The following SOX6 variants were observed in gnomAD, a reference collection of about 807,000 sequenced individuals.
SOX6 encodes the protein SRY-box transcription factor 6.
SOX6 carries 11 observed loss-of-function variants against 97.8 expected under a neutral mutation model. The ratio of observed to expected loss-of-function variants is 0.11; its 90% confidence interval spans 0.07 to 0.19. The LOEUF (loss-of-function observed/expected upper bound fraction) is 0.19. Ranked by LOEUF, SOX6 falls within the 10% of genes least tolerant of loss-of-function variation. The probability of loss-of-function intolerance (pLI) is 1.00; values close to 1 mark genes in which losing one functional copy is unlikely to be tolerated. For missense variants in SOX6, 810 were observed against 1,039.5 expected (o/e 0.78, Z 3.04); for synonymous variants, 360 against 371.4 (o/e 0.97, Z 0.35).
chr11:16,031,749 G>A (rs1453693686), intron 12 of SOX6, among the ~76,000 whole-genome samples: 1 of 152,042 alleles, frequency 6.6e-6, no homozygotes, highest in African/African-American at 2.4e-5. Context: ...GGAACAAGGG[G>A]AACAGGAAAG....
chr11:16,378,833 T>A (rs71484713), intron 1 of SOX6, among the ~76,000 whole-genome samples: 2 of 152,072 alleles, frequency 1.3e-5, no homozygotes, highest in African/African-American at 2.4e-5. Context: ...AAATCATATA[T>A]GACAAAGGGT....
chr11:16,311,968 T>C (rs1458078553), intron 3 of SOX6: 1 of 152,180 alleles, frequency 6.6e-6, no homozygotes, highest in East Asian at 1.9e-4. Context: ...ACATGCTCAT[T>C]CTTGTGCTGG....
intron 4 of SOX6, among the ~76,000 whole-genome samples, chr11:16,580,992 T>C (rs1048937264): frequency 6.6e-6 from 1 of 152,202 alleles, no homozygotes; most frequent in African/African-American, 2.4e-5. Flanking sequence ...TTTTACACTC[T>C]TGGTGGGAAT....
intron 3 of SOX6, among the ~76,000 whole-genome samples, chr11:16,631,421 C>A (rs914005051): frequency 3.3e-5 from 5 of 152,216 alleles, no homozygotes; most frequent in African/African-American, 1.2e-4. Context: ...CCCCCAACTT[C>A]TTCTGGCTTG....
chr11:16,012,813 C>G (rs146934239), intron 13 of SOX6, among the ~76,000 whole-genome samples: 196 of 152,006 alleles, frequency 1.3e-3, no homozygotes, highest in African/African-American at 4.4e-3. Context: ...ACCTTCTTCA[C>G]AATGTGTATA....
At chr11:16,363,618 T>A (rs1185255695) in intron 1 of SOX6, among the ~76,000 whole-genome samples, 1 of 152,086 alleles carries the variant, frequency 6.6e-6, no homozygotes, top group Non-Finnish European at 1.5e-5. Context: ...TAGGAACACC[T>A]TATAATTTTG....
chr11:16,147,685 T>C lies in SOX6; in HGVS notation c.778-35762A>G, dbSNP rs138454398. 1.5e-3 allele frequency among the ~76,000 whole-genome samples: 227 copies of C among 152,204 alleles called. 5 individuals carry two copies. Among genetic ancestry groups the C allele is most frequent in the East Asian group, 0.013 (66 of 5,160 alleles). The stretch of plus-strand genomic sequence containing the variant: ...ATGCAAACTTAAATGAACACCGAAA[T>C]TTCCTTTTTATTGTACTTCTCACAT... On this transcript the variant is annotated intron_variant, in intron 6 of 15. Coordinates refer to ENST00000683767, the MANE Select transcript of SOX6 (RefSeq NM_001367873.1).
intron 4 of SOX6, among the ~76,000 whole-genome samples, chr11:16,578,394 A>G (rs185175525): frequency 6.6e-6 from 1 of 152,258 alleles, no homozygotes; most frequent in African/African-American, 2.4e-5. Context: ...CTACTTAGCA[A>G]TTGAAACTAA....
chr11:16,381,517 A>AT (rs533243731), intron 1 of SOX6, among the ~76,000 whole-genome samples: 20 of 151,156 alleles, frequency 1.3e-4, no homozygotes, highest in African/African-American at 3.9e-4. Flanking sequence ...AATATGTTCA[A>AT]TTTTTTTTTC....
chr11:16,139,951 T>TTATATATATA lies in SOX6; in HGVS notation c.778-28038_778-28029dup, dbSNP rs149983908. ...AAAAGTAAAAAACCTGGCTCATATA[T>TTATATATATA]TATATATATATATATATATATACAT... On this transcript the variant is annotated intron_variant, in intron 6 of 15. Transcript: ENST00000683767. Among the ~76,000 whole-genome samples the TTATATATATA allele has an allele frequency of 8.3e-3, 1,029 of 124,626 alleles. 15 individuals carry two copies. The highest frequency in any genetic ancestry group is 0.032 in the African/African-American group (956 of 29,612). The allele number at this position is 124,626 out of a possible 152,430, so 81.8% of individuals were successfully genotyped here.
intron 4 of SOX6, among the ~76,000 whole-genome samples, chr11:16,224,095 A>C (rs1434414953): frequency 1.3e-5 from 2 of 152,026 alleles, no homozygotes. Context: ...CAATAGAAAT[A>C]TTTTATAATT....
At chr11:16,152,686 C>T (rs1850487629) in intron 6 of SOX6, among the ~76,000 whole-genome samples, 1 of 152,098 alleles carries the variant, frequency 6.6e-6, no homozygotes, top group South Asian at 2.1e-4. Context: ...TTTAGACACA[C>T]ACACAGAGAG....
At chr11:16,247,818 C>A (rs1412439236) in intron 3 of SOX6, among the ~76,000 whole-genome samples, 1 of 152,094 alleles carries the variant, frequency 6.6e-6, no homozygotes, top group African/African-American at 2.4e-5. Context: ...CCTCACATTT[C>A]AAAACACAAC....
intron 1 of SOX6, among the ~76,000 whole-genome samples, chr11:16,414,881 T>A (rs571815749): frequency 1.3e-5 from 2 of 152,264 alleles, no homozygotes; most frequent in East Asian, 3.9e-4. Flanking sequence ...GAGAGGATAA[T>A]ATAAATATAA....
intron 12 of SOX6, among the ~76,000 whole-genome samples, chr11:16,045,086 C>T (rs923500709): frequency 2.0e-5 from 3 of 152,080 alleles, no homozygotes; most frequent in South Asian, 4.1e-4. Flanking sequence ...AGACTTTTCC[C>T]TCCCAAATGA....
In SOX6 at chr11:16,571,911, C is replaced by A. The variant is rs916385052; in HGVS notation, n.609+40170G>T. ...CAAGTGACCCACCCACTTTGGCCTC[C>A]CAAAGTGCTGGGATTACAGGCGTGA... On this transcript the variant is annotated intron_variant and non_coding_transcript_variant, in intron 4 of 5. Transcript: ENST00000524520. Among the ~76,000 whole-genome samples the A allele has an allele frequency of 2.6e-5, 4 of 152,206 alleles. 1 individual carries two copies. The highest frequency in any genetic ancestry group is 6.5e-5 in the Admixed American group (1 of 15,292).
At chr11:15,990,578 A>C (rs1389062095) in intron 13 of SOX6, among the ~76,000 whole-genome samples, 1 of 152,194 alleles carries the variant, frequency 6.6e-6, no homozygotes, top group Non-Finnish European at 1.5e-5. Flanking sequence ...ATGAATAAAT[A>C]AATGAATGAA....
intron 1 of SOX6, among the ~76,000 whole-genome samples, chr11:16,464,002 A>G (rs1221128911): frequency 2.6e-5 from 4 of 152,204 alleles, no homozygotes; most frequent in Non-Finnish European, 5.9e-5. Context: ...GAGAAACACA[A>G]CTAGGGACAT....
intron 4 of SOX6, among the ~76,000 whole-genome samples, chr11:16,193,903 T>G (rs189807615): frequency 6.6e-6 from 1 of 152,334 alleles, no homozygotes; most frequent in Non-Finnish European, 1.5e-5. Context: ...GGAAAACTGC[T>G]GCATCTTTAC....
Sources: gnomAD v4.1 joint callset for allele counts (sites outside exome capture counted in the v4.1 genomes callset) on GRCh38, gnomAD v4.1.1 for gene constraint, MANE v1.5 for transcripts, NCBI Gene and HGNC (gene_info 2026-07-23, HGNC 2026-07-21) for gene names.